Variants in KDM4A observed in about 807,000 individuals in gnomAD.
KDM4A encodes the protein lysine-specific demethylase 4A.
Under a neutral mutation model 127.1 loss-of-function variants are expected in KDM4A, and 23 were observed. The observed-to-expected ratio is 0.18, with a 90% CI of 0.13 to 0.26. The LOEUF (loss-of-function observed/expected upper bound fraction) is 0.26, where lower values mean the gene tolerates loss of function less well. KDM4A is among the 10% of genes least tolerant of loss of function. The probability of loss-of-function intolerance (pLI) is 1.00; values close to 1 mark genes in which losing one functional copy is unlikely to be tolerated. For missense variants in KDM4A, 890 were observed against 1,329.1 expected, an observed-to-expected ratio of 0.67 and a Z score of 5.14; for synonymous variants, 443 against 466.5, an observed-to-expected ratio of 0.95 and a Z score of 0.65.
chr1:43,652,306 A>G (rs1446182808), intron 1 of KDM4A, among the ~76,000 whole-genome samples: 3 of 152,204 alleles, frequency 2.0e-5, no homozygotes, highest in South Asian at 2.1e-4. Flanking sequence ...TAGCTGTACT[A>G]TTAGGACCAA....
At position 43,692,033 on chromosome 1, in the gene KDM4A, G is replaced by T. The variant is rs1401821488; in HGVS notation, c.2320-223G>T. On this transcript the variant is annotated intron_variant, in intron 15 of 21. Coordinates refer to ENST00000372396, the MANE Select transcript of KDM4A (RefSeq NM_014663.3). Reference sequence around the variant, plus strand: ...AGTTGTTATTAGCAGCAACAATGAAGAGGATTATGTGAAGTCACGTGACTA... The same window carrying T: ...AGTTGTTATTAGCAGCAACAATGAATAGGATTATGTGAAGTCACGTGACTA... 2.6e-5 allele frequency among the ~76,000 whole-genome samples: 4 copies of T among 152,250 alleles called. No homozygotes were observed. In the East Asian group the frequency reaches 7.7e-4, roughly 29 times the overall value.
intron 12 of KDM4A, among the ~76,000 whole-genome samples, chr1:43,685,230 C>T (rs142405849): frequency 2.9e-4 from 44 of 152,228 alleles, no homozygotes; most frequent in African/African-American, 1.0e-3. Flanking sequence ...CACTGAAGCT[C>T]AGGGTGTGTT....
intron 13 of KDM4A, among the ~76,000 whole-genome samples, chr1:43,689,605 G>A (rs1336493883): frequency 6.6e-6 from 1 of 152,316 alleles, no homozygotes. Context: ...CAAGATTGCT[G>A]AGCTCAGCTG....
intron 11 of KDM4A, among the ~76,000 whole-genome samples, chr1:43,673,842 G>A (rs992429672): frequency 6.6e-6 from 1 of 152,184 alleles, no homozygotes; most frequent in Non-Finnish European, 1.5e-5. Context: ...TACAGTTCAT[G>A]CTGTCCTCTT....
chr1:43,657,269 C>T (rs1396488173), intron 3 of KDM4A, among the ~76,000 whole-genome samples: 1 of 151,762 alleles, frequency 6.6e-6, no homozygotes, highest in Non-Finnish European at 1.5e-5. Context: ...GTGGCGTGAT[C>T]TCGGCTCACT....
In KDM4A at chr1:43,691,529, A is replaced by C; in HGVS notation, c.2276A>C (p.Glu759Ala). 1.2e-6 allele frequency: 2 copies of C among 1,613,768 alleles called. No homozygotes were observed. The highest frequency in any genetic ancestry group is 1.7e-6 in the Non-Finnish European group (2 of 1,179,946). ...CYGVPPAKASEDWMCSRCSAN... is the reference protein window; with the variant it reads ...CYGVPPAKASADWMCSRCSAN... The stretch of plus-strand genomic sequence containing the variant: ...GGGGTCCCCCCTGCAAAGGCTTCTG[A>C]AGACTGGATGTGTTCTCGGTGTTCA... The change falls in exon 15 of 22, where the codon GAA becomes GCA. Residue 759 changes from glutamate to alanine, a missense_variant. Transcript: ENST00000372396.
At chr1:43,661,326 A>C (rs904815377) in intron 4 of KDM4A, among the ~76,000 whole-genome samples, 1 of 151,594 alleles carries the variant, frequency 6.6e-6, no homozygotes, top group Non-Finnish European at 1.5e-5. Context: ...AATGAATTCC[A>C]GGCCGGGTGT....
intron 13 of KDM4A, 64 bp from the exon 14 acceptor site, chr1:43,690,781 C>T (rs1661089855): frequency 2.8e-6 from 4 of 1,424,596 alleles, no homozygotes; most frequent in Non-Finnish European, 4.0e-6. Flanking sequence ...GCTGATAGAG[C>T]AGGTGGAAAG....
chr1:43,664,837 G>C (rs558781993), intron 5 of KDM4A, among the ~76,000 whole-genome samples: 29 of 152,054 alleles, frequency 1.9e-4, no homozygotes, highest in Non-Finnish European at 4.0e-4. Flanking sequence ...TACATTCTTA[G>C]GTCCTCTGAA....
In KDM4A at chr1:43,694,574, A is replaced by C. The variant is rs1446386783; in HGVS notation, c.2485-135A>C. 2 of 696,926 alleles carry C rather than the reference A, an allele frequency of 2.9e-6. No homozygotes were observed. The highest frequency in any genetic ancestry group is 3.6e-5 in the African/African-American group (2 of 56,280). 43.2% of individuals were successfully genotyped at this position (696,926 alleles called of 1,614,324 possible). ...AAAGTTGTAACCAGACCTGGATTAG[A>C]GCAGGCTGGTGTGTCCTTGTATTTT... On this transcript the variant is annotated intron_variant, in intron 17 of 21. Transcript: ENST00000372396. The surrounding 1 kb of genome is among the most constrained non-coding windows in gnomAD (Gnocchi z 5.2).
At chr1:43,672,360 T>G (rs551629155) in intron 11 of KDM4A, among the ~76,000 whole-genome samples, 2 of 152,016 alleles carry the variant, frequency 1.3e-5, no homozygotes, top group Admixed American at 1.3e-4. Context: ...AGCTAATTTT[T>G]GTATTTTTAG....
Position 43,688,920 on chromosome 1 carries a change from C to T in KDM4A, c.1862C>T (p.Ser621Phe). 3.1e-6 allele frequency: 5 copies of T among 1,613,980 alleles called. No homozygotes were observed. The highest frequency in any genetic ancestry group is 3.4e-6 in the Non-Finnish European group (4 of 1,179,912). ...CTTCTGTTTCCTCCTCTAGAGACAT[C>T]TGAACAGCTGACCCCTGAGGAAGAG... ...LQECVSDDET[S>F]EQLTPEEEAE... The change falls in exon 13 of 22, where the codon TCT becomes TTT. Residue 621 changes from serine (S) to phenylalanine (F), a missense_variant. Around this residue, in one of 7 missense-constraint regions of KDM4A, gnomAD observed 389 missense variants for 485.9 expected, o/e 0.80. Transcript: ENST00000372396. This position sits in a 1 kb window ranked among gnomAD's most constrained non-coding sequence, Gnocchi z 4.4.
intron 3 of KDM4A, among the ~76,000 whole-genome samples, chr1:43,657,875 C>T (rs1485673473): frequency 4.0e-5 from 6 of 150,350 alleles, no homozygotes; most frequent in South Asian, 2.1e-4. Context: ...CTCGGCCTCC[C>T]GAGTAGCTGG....
At chr1:43,687,608 G>T (rs1253963605) in intron 12 of KDM4A, among the ~76,000 whole-genome samples, 3 of 152,222 alleles carry the variant, frequency 2.0e-5, no homozygotes, top group Admixed American at 6.5e-5. Flanking sequence ...AGCATCTGGA[G>T]AAACATTTTG....
chr1:43,650,974 G>A (rs1240110807), intron 1 of KDM4A, among the ~76,000 whole-genome samples: 4 of 152,162 alleles, frequency 2.6e-5, no homozygotes, highest in Non-Finnish European at 5.9e-5. Context: ...TCCTAGGGTT[G>A]AAGAAGGGAT....
At chr1:43,664,540 T>A in intron 5 of KDM4A, among the ~76,000 whole-genome samples, 1 of 152,168 alleles carries the variant, frequency 6.6e-6, no homozygotes, top group East Asian at 1.9e-4. Flanking sequence ...TGGGGAGTCA[T>A]GAAAACCATA....
At chr1:43,662,173 T>G (rs987864953) in intron 4 of KDM4A, among the ~76,000 whole-genome samples, 2 of 152,092 alleles carry the variant, frequency 1.3e-5, no homozygotes, top group African/African-American at 2.4e-5. Context: ...GTGTTGAGAT[T>G]ACAGGCGTGA....
intron 11 of KDM4A, among the ~76,000 whole-genome samples, chr1:43,676,417 C>G (rs1164601759): frequency 1.3e-5 from 2 of 152,194 alleles, no homozygotes; most frequent in Non-Finnish European, 2.9e-5. Context: ...CACCTCCTGG[C>G]TTTAAGCAAT....
chr1:43,667,622 G>A (rs1660528652), intron 8 of KDM4A, 150 bp from the exon 9 acceptor site: 1 of 982,702 alleles, frequency 1.0e-6, no homozygotes, highest in Non-Finnish European at 1.5e-6. Context: ...GGTCCTGCAA[G>A]GATAACATGC....
Sources: gnomAD v4.1 joint callset for allele counts (sites outside exome capture counted in the v4.1 genomes callset) on GRCh38, gnomAD v4.1.1 for gene constraint, gnomAD v4.1.1 regional missense constraint, Gnocchi (gnomAD v3.1) non-coding constraint, MANE v1.5 for transcripts, NCBI Gene and HGNC (gene_info 2026-07-23, HGNC 2026-07-21) for gene names.